The following TMEM132B variants were observed in gnomAD, a reference collection of about 807,000 sequenced individuals.
TMEM132B encodes the protein transmembrane protein 132B.
TMEM132B carries 18 observed loss-of-function variants against 90.8 expected under a neutral mutation model. The ratio of observed to expected loss-of-function variants is 0.20; its 90% confidence interval spans 0.14 to 0.29. TMEM132B has a LOEUF of 0.29. Ranked by LOEUF, TMEM132B falls within the 10% of genes least tolerant of loss-of-function variation. TMEM132B has a pLI of 1.00. For synonymous variants in TMEM132B, 504 were observed against 523.3 expected, an observed-to-expected ratio of 0.96 and a Z score of 0.50; for missense variants, 1,096 against 1,326.8, an observed-to-expected ratio of 0.83 and a Z score of 2.70.
chr12:125,409,602 G>A (rs1241083185), intron 2 of TMEM132B, among the ~76,000 whole-genome samples: 4 of 109,676 alleles, frequency 3.6e-5, no homozygotes, highest in Non-Finnish European at 7.1e-5. Context: ...GAGTGGAGGA[G>A]TGGAGTGGAG....
intron 1 of TMEM132B, among the ~76,000 whole-genome samples, chr12:125,262,670 T>A (rs1405008021): frequency 6.6e-6 from 1 of 152,242 alleles, no homozygotes; most frequent in African/African-American, 2.4e-5. Context: ...ATCTCTCTGT[T>A]TCCCAGAAAG....
At chr12:125,548,262 C>G (rs57465149) in intron 4 of TMEM132B, among the ~76,000 whole-genome samples, 4,438 of 152,140 alleles carry the variant, frequency 0.029, 222 homozygotes, top group African/African-American at 0.1. Flanking sequence ...TTAACAGTCA[C>G]AGGCCTCCCC....
intron 1 of TMEM132B, among the ~76,000 whole-genome samples, chr12:125,244,538 A>C (rs1169081742): frequency 3.3e-5 from 5 of 152,148 alleles, no homozygotes; most frequent in Non-Finnish European, 7.3e-5. Flanking sequence ...TTCTCTGTTC[A>C]ACACCTCCTC....
At chr12:125,414,196 G>A (rs1316907410) in intron 2 of TMEM132B, among the ~76,000 whole-genome samples, 1 of 152,148 alleles carries the variant, frequency 6.6e-6, no homozygotes. Context: ...ATTTGCTTTT[G>A]TTGTTGATTT....
intron 1 of TMEM132B, among the ~76,000 whole-genome samples, chr12:125,328,316 GCAGCA>G (rs1876653362): frequency 6.6e-6 from 1 of 152,170 alleles, no homozygotes; most frequent in Non-Finnish European, 1.5e-5. Context: ...CCTTGCAGCT[GCAGCA>G]GGGTTCTGTG....
At chr12:125,562,293 G>A (rs1213952486) in intron 4 of TMEM132B, among the ~76,000 whole-genome samples, 2 of 152,200 alleles carry the variant, frequency 1.3e-5, no homozygotes, top group African/African-American at 2.4e-5. Flanking sequence ...GAATGTTGTG[G>A]CTGGTTCAAA....
intron 1 of TMEM132B, among the ~76,000 whole-genome samples, chr12:125,272,318 C>G (rs916996199): frequency 1.3e-5 from 2 of 152,154 alleles, no homozygotes; most frequent in Non-Finnish European, 2.9e-5. Context: ...CTTGGGATAC[C>G]TTTTGGGGGG....
At chr12:125,313,701 C>A (rs1463168507) in intron 1 of TMEM132B, among the ~76,000 whole-genome samples, 12 of 116,738 alleles carry the variant, frequency 1.0e-4, no homozygotes, top group Non-Finnish European at 2.0e-4. Context: ...CCCCTCCCCC[C>A]CTCCCTCCAT....
intron 3 of TMEM132B, among the ~76,000 whole-genome samples, chr12:125,421,906 G>A (rs1880179204): frequency 6.6e-6 from 1 of 152,248 alleles, no homozygotes; most frequent in Non-Finnish European, 1.5e-5. Flanking sequence ...AAGGGAGACA[G>A]TTGAATGATT....
intron 1 of TMEM132B, among the ~76,000 whole-genome samples, chr12:125,305,277 T>C (rs1209922136): frequency 1.3e-5 from 2 of 151,330 alleles, no homozygotes; most frequent in African/African-American, 4.9e-5. Context: ...TGCTGAGACC[T>C]TTTAGCTGCA....
intron 1 of TMEM132B, among the ~76,000 whole-genome samples, chr12:125,225,770 T>C (rs1294348096): frequency 6.6e-6 from 1 of 152,130 alleles, no homozygotes; most frequent in Non-Finnish European, 1.5e-5. Flanking sequence ...ATTTGCACAT[T>C]CCCATATATG....
chr12:125,595,838 T>C (rs561517911), intron 5 of TMEM132B, among the ~76,000 whole-genome samples: 10 of 151,146 alleles, frequency 6.6e-5, no homozygotes, highest in East Asian at 2.0e-4. Context: ...CCCAGCCCCA[T>C]TGGAGCAATT....
intron 4 of TMEM132B, among the ~76,000 whole-genome samples, chr12:125,558,568 A>T (rs902329121): frequency 2.0e-5 from 3 of 152,232 alleles, no homozygotes; most frequent in Non-Finnish European, 4.4e-5. Flanking sequence ...GAAAACCTTT[A>T]TATCACTTCA....
chr12:125,582,070 G>A (rs762453299), intron 4 of TMEM132B, among the ~76,000 whole-genome samples: 10 of 151,878 alleles, frequency 6.6e-5, no homozygotes, highest in Non-Finnish European at 8.8e-5. Context: ...TTGTTTTTAG[G>A]TATTCATTAC....
chr12:125,517,525 A>C (rs1439147673), intron 3 of TMEM132B, among the ~76,000 whole-genome samples: 1 of 151,752 alleles, frequency 6.6e-6, no homozygotes, highest in Non-Finnish European at 1.5e-5. Context: ...AACTTGTACC[A>C]ATGGATATTT....
intron 3 of TMEM132B, among the ~76,000 whole-genome samples, chr12:125,489,383 C>G (rs1463423646): frequency 6.6e-6 from 1 of 151,684 alleles, no homozygotes; most frequent in Admixed American, 6.6e-5. Flanking sequence ...AAAATTTTTA[C>G]TTATTTATTT....
chr12:125,443,062 A>C (rs1035898324), intron 3 of TMEM132B, among the ~76,000 whole-genome samples: 1 of 151,796 alleles, frequency 6.6e-6, no homozygotes, highest in Non-Finnish European at 1.5e-5. Flanking sequence ...ATCTTGAGGG[A>C]CCTCCCTTGC....
intron 2 of TMEM132B, among the ~76,000 whole-genome samples, chr12:125,414,672 C>G: frequency 6.6e-6 from 1 of 152,124 alleles, no homozygotes; most frequent in Non-Finnish European, 1.5e-5. Context: ...GTGGTGATAC[C>G]TATGTTCAGT....
At position 125,415,461 on chromosome 12, in the gene TMEM132B, A is replaced by T; in HGVS notation, c.960-70A>T. On this transcript the variant is annotated intron_variant, in intron 2 of 8. Coordinates refer to ENST00000682704, the MANE Select transcript of TMEM132B (RefSeq NM_001366854.1). This position sits in a 1 kb window ranked among gnomAD's most constrained non-coding sequence, Gnocchi z 5.3. ...TTTCCCAGTGATCTGCTCTCGTGCC[A>T]TCTTTTACTACCTGTTTCAAACTAA... 1 of 1,568,766 alleles carries T rather than the reference A, an allele frequency of 6.4e-7. No individual in the cohort carries two copies. Among genetic ancestry groups the T allele is most frequent in the Non-Finnish European group, 8.7e-7 (1 of 1,153,714 alleles).
Sources: gnomAD v4.1 joint callset for allele counts (sites outside exome capture counted in the v4.1 genomes callset) on GRCh38, gnomAD v4.1.1 for gene constraint, Gnocchi (gnomAD v3.1) non-coding constraint, MANE v1.5 for transcripts, NCBI Gene and HGNC (gene_info 2026-07-23, HGNC 2026-07-21) for gene names.